The following SYCE2 variants were observed in gnomAD, a reference collection of about 807,000 sequenced individuals.
SYCE2 encodes central element synaptonemal complex 1.
In SYCE2, 3 loss-of-function variants were observed where a neutral mutation model predicts 27.9. The ratio of observed to expected loss-of-function variants is 0.11; its 90% CI spans 0.05 to 0.28. The LOEUF is 0.28. SYCE2 is among the 10% of genes least tolerant of loss of function. The pLI is 1.00. For synonymous variants in SYCE2, 85 were observed against 100.7 expected (o/e 0.84, Z 0.93); for missense variants, 207 against 263.5 (o/e 0.79, Z 1.48).
rs1303693578 is a variant in SYCE2 at position 12,906,772 on chromosome 19, G to A, written c.132-2106C>T. Among the ~76,000 whole-genome samples, 4 of 152,246 alleles carry A rather than the reference G, an allele frequency of 2.6e-5. No homozygotes were observed. The East Asian group carries it at 7.7e-4, about 29-fold the overall frequency. ...AAACACAAAAAATTAGCCAGGCGCA[G>A]TGGCAGGCGCCTGTAATCCCAGCTA... On this transcript the variant is annotated intron_variant, in intron 2 of 5. Coordinates refer to ENST00000293695, the MANE Select transcript of SYCE2 (RefSeq NM_001105578.2).
intron 3 of SYCE2, among the ~76,000 whole-genome samples, chr19:12,902,574 C>T (rs1970859068): frequency 6.6e-6 from 1 of 151,842 alleles, no homozygotes; most frequent in South Asian, 2.1e-4. Context: ...GTTTGAGGCT[C>T]CAGTGAGCTG....
At chr19:12,906,726 G>A (rs1378912200) in intron 2 of SYCE2, among the ~76,000 whole-genome samples, 1 of 151,994 alleles carries the variant, frequency 6.6e-6, no homozygotes, top group Non-Finnish European at 1.5e-5. Flanking sequence ...GGCCAACATG[G>A]TGAAACCCCA....
intron 2 of SYCE2, among the ~76,000 whole-genome samples, chr19:12,916,066 C>CT (rs35687682): frequency 1.7e-3 from 238 of 137,720 alleles, no homozygotes; most frequent in Admixed American, 3.0e-3. Flanking sequence ...CCATATCAGC[C>CT]TTTTTTTTTT....
intron 1 of SYCE2, among the ~76,000 whole-genome samples, chr19:12,918,968 G>T (rs1024092778): frequency 1.4e-5 from 2 of 147,270 alleles, no homozygotes; most frequent in African/African-American, 5.0e-5. Context: ...AAAAAAAAAA[G>T]AAATGAAAGA....
intron 3 of SYCE2, among the ~76,000 whole-genome samples, chr19:12,904,077 C>A (rs77503736): frequency 6.6e-6 from 1 of 152,158 alleles, no homozygotes; most frequent in Non-Finnish European, 1.5e-5. Flanking sequence ...TGTGCCTCAA[C>A]CCCCTACTCC....
intron 2 of SYCE2, among the ~76,000 whole-genome samples, chr19:12,908,686 C>T (rs114205458): frequency 7.6e-4 from 116 of 152,192 alleles, no homozygotes; most frequent in African/African-American, 2.7e-3. Context: ...GTTCCTCCCC[C>T]GGTTCTCAAA....
intron 2 of SYCE2, among the ~76,000 whole-genome samples, chr19:12,908,098 G>A (rs948682760): frequency 1.3e-5 from 2 of 151,780 alleles, no homozygotes; most frequent in East Asian, 1.9e-4. Flanking sequence ...ATGATATCAC[G>A]CCACTGTACT....
At chr19:12,909,720 C>T (rs1971009288) in intron 2 of SYCE2, among the ~76,000 whole-genome samples, 1 of 151,794 alleles carries the variant, frequency 6.6e-6, no homozygotes, top group Non-Finnish European at 1.5e-5. Context: ...GCATGTACCA[C>T]CACACTTGGC....
intron 1 of SYCE2, among the ~76,000 whole-genome samples, chr19:12,918,608 T>A (rs944850309): frequency 6.6e-6 from 1 of 152,044 alleles, no homozygotes; most frequent in Non-Finnish European, 1.5e-5. Context: ...CCTGGGCTCC[T>A]AACTGGTATG....
chr19:12,915,782 T>G (rs1265860638), intron 2 of SYCE2, among the ~76,000 whole-genome samples: 1 of 151,996 alleles, frequency 6.6e-6, no homozygotes, highest in African/African-American at 2.4e-5. Context: ...ACACTGGCCT[T>G]CCTTTAGCTC....
At chr19:12,904,070 G>A (rs150399425) in intron 3 of SYCE2, among the ~76,000 whole-genome samples, 6 of 152,298 alleles carry the variant, frequency 3.9e-5, no homozygotes, top group African/African-American at 1.4e-4. Flanking sequence ...TGCAAGTTGT[G>A]CCTCAACCCC....
chr19:12,915,134 G>A (rs1016865497), intron 2 of SYCE2, among the ~76,000 whole-genome samples: 40 of 152,198 alleles, frequency 2.6e-4, no homozygotes, highest in Non-Finnish European at 5.9e-5. Flanking sequence ...AGACTCATGT[G>A]GAATATTATT....
intron 2 of SYCE2, among the ~76,000 whole-genome samples, chr19:12,915,124 A>G (rs1971115251): frequency 6.6e-6 from 1 of 152,274 alleles, no homozygotes; most frequent in Non-Finnish European, 1.5e-5. Flanking sequence ...AAAATGTGGT[A>G]GACTCATGTG....
chr19:12,900,741 T>C, intron 3 of SYCE2, 93 bp from the exon 4 acceptor site: 1 of 1,258,484 alleles, frequency 7.9e-7, no homozygotes, highest in East Asian at 2.3e-5. Context: ...CTGCAATTTA[T>C]CTTATGAAAA....
intron 1 of SYCE2, among the ~76,000 whole-genome samples, chr19:12,918,680 G>A (rs1172268097): frequency 6.6e-6 from 1 of 151,992 alleles, no homozygotes; most frequent in East Asian, 1.9e-4. Flanking sequence ...GAGGCCGGGC[G>A]CGGTGGCTCA....
At chr19:12,918,166 T>G (rs1599645094) in intron 2 of SYCE2, 56 bp downstream of exon 2, 1 of 1,432,762 alleles carries the variant, frequency 7.0e-7, no homozygotes, top group Admixed American at 1.7e-5. Flanking sequence ...AAGAAAAGGG[T>G]GAATGAGAGG....
intron 2 of SYCE2, among the ~76,000 whole-genome samples, chr19:12,912,751 G>A (rs536737096): frequency 2.0e-5 from 3 of 151,678 alleles, no homozygotes; most frequent in East Asian, 1.9e-4. Context: ...GGCTGGAACC[G>A]GTTTTCATGG....
At chr19:12,904,778 A>T in intron 2 of SYCE2, 112 bp from the exon 3 acceptor site, 2 of 1,251,742 alleles carry the variant, frequency 1.6e-6, no homozygotes, top group Non-Finnish European at 2.2e-6. Context: ...AGGTGGGCGG[A>T]TCACAAGGTC....
Position 12,904,776 on chromosome 19 carries a change from G to A in SYCE2, c.132-110C>T, listed in dbSNP as rs185827622. 557 of 1,248,382 alleles carry A rather than the reference G, an allele frequency of 4.5e-4. 5 individuals are homozygous for A. The African/African-American group carries it at 6.7e-3, about 15-fold the overall frequency. The allele number at this position is 1,248,382 out of a possible 1,614,324, so 77.3% of individuals were successfully genotyped here. On this transcript the variant is annotated intron_variant, in intron 2 of 5. Coordinates refer to ENST00000293695, the MANE Select transcript of SYCE2 (RefSeq NM_001105578.2). Reference sequence around the variant, plus strand: ...CAGCACTTTGTAGGCCGAGGTGGGCGGATCACAAGGTCAGGAGTTCGAGAC... The same window carrying A: ...CAGCACTTTGTAGGCCGAGGTGGGCAGATCACAAGGTCAGGAGTTCGAGAC...
Sources: allele counts gnomAD v4.1 joint callset (sites outside exome capture counted in the v4.1 genomes callset), GRCh38; gene constraint gnomAD v4.1.1; transcripts MANE v1.5; gene names NCBI Gene and HGNC (gene_info 2026-07-23, HGNC 2026-07-21).